GAB3: variants seen among roughly 807,000 people sequenced by gnomAD.
GAB3 encodes GRB2 associated binding protein 3, also known as GRB2-associated-binding protein 3.
A neutral mutation model predicts 40.4 loss-of-function variants in GAB3; 12 were observed. That is an observed-to-expected ratio of 0.30 (90% confidence interval 0.19 to 0.48). The LOEUF (loss-of-function observed/expected upper bound fraction) is 0.48, where lower values mean the gene tolerates loss of function less well. Ranked by LOEUF, GAB3 falls within the 20% of genes least tolerant of loss-of-function variation. The pLI is 0.99. For synonymous variants in GAB3, 154 were observed against 176.7 expected, an observed-to-expected ratio of 0.87 and a Z score of 1.02; for missense variants, 381 against 461.9, an observed-to-expected ratio of 0.82 and a Z score of 1.61.
chrX:154,717,233 C>G (rs1265543502), intron 1 of GAB3, among the ~76,000 whole-genome samples: 2 of 111,190 alleles, frequency 1.8e-5, no homozygotes, highest in African/African-American at 6.6e-5. Flanking sequence ...GGGGAAAGCT[C>G]TGGGGTCAAG....
Position 154,712,476 on chromosome X carries a change from T to C in GAB3, c.822A>G (p.Ser274=), listed in dbSNP as rs1314609420. Residue 274 remains serine (S), a synonymous_variant, in exon 4 of 10, where the codon TCA becomes TCG. Transcript: ENST00000424127. Reference sequence around the variant, plus strand: ...AACTTAAGGAACTTTCCAGCAATGGTGAAGAAGACAAGTGGTCCCTGGGTG... The same window carrying C: ...AACTTAAGGAACTTTCCAGCAATGGCGAAGAAGACAAGTGGTCCCTGGGTG... ...NGPPRDHLSS[S]PLLESSLSST... is the part of the protein sequence containing the mutation. The C allele has an allele frequency of 6.6e-6, 8 of 1,208,805 alleles. No individual in the cohort carries two copies. The highest frequency in any genetic ancestry group is 7.8e-6 in the Non-Finnish European group (7 of 894,501).
Position 154,678,125 on chromosome X carries a change from T to A in GAB3, c.*53A>T, listed in dbSNP as rs879997682. 1.3e-4 allele frequency: 76 copies of A among 576,272 alleles called. No homozygotes were observed. Among genetic ancestry groups the A allele is most frequent in the Non-Finnish European group, 2.0e-4 (70 of 352,482 alleles). 47.5% of individuals were successfully genotyped at this position (576,272 alleles called of 1,213,427 possible). On this transcript the variant is annotated 3_prime_UTR_variant, in exon 10 of 10. Transcript: ENST00000424127. ...CAAAAAAAAAAAAAAAAGAAAAAAC[T>A]CAAACTGAGCCCCAAGCTTCCCTGT...
At chrX:154,720,944 G>A (rs2071123869) in intron 1 of GAB3, among the ~76,000 whole-genome samples, 1 of 111,710 alleles carries the variant, frequency 9.0e-6, no homozygotes, top group Admixed American at 9.5e-5. Flanking sequence ...TTGTGCCTCT[G>A]ATAGCCTGAT....
At chrX:154,707,386 T>G (rs1330639301) in intron 4 of GAB3, among the ~76,000 whole-genome samples, 1 of 112,288 alleles carries the variant, frequency 8.9e-6, no homozygotes, top group Admixed American at 9.4e-5. Context: ...TTAGGTAATG[T>G]TTGTTAATTA....
At chrX:154,713,504 A>T (rs2070989591) in intron 2 of GAB3, 78 bp from the exon 3 acceptor site, 1 of 781,826 alleles carries the variant, frequency 1.3e-6, no homozygotes, top group African/African-American at 2.1e-5. Context: ...AGCATCAAAG[A>T]AGCCAAACAG....
At chrX:154,722,981 C>T (rs1390186637) in intron 1 of GAB3, among the ~76,000 whole-genome samples, 9 of 111,280 alleles carry the variant, frequency 8.1e-5, no homozygotes, top group African/African-American at 6.6e-5. Flanking sequence ...CAGTTTCAAG[C>T]GATTCTCCTG....
intron 1 of GAB3, among the ~76,000 whole-genome samples, chrX:154,727,110 A>G (rs2071223615): frequency 8.9e-6 from 1 of 112,062 alleles, no homozygotes; most frequent in African/African-American, 3.2e-5. Flanking sequence ...ACAAAACCCA[A>G]ACTCTTTCAC....
intron 8 of GAB3, among the ~76,000 whole-genome samples, chrX:154,686,534 T>A (rs1557247808): frequency 9.1e-6 from 1 of 110,400 alleles, no homozygotes; most frequent in African/African-American, 3.3e-5. Flanking sequence ...GCTCAAGGGA[T>A]CTTCCTGTCT....
chrX:154,746,267 C>A (rs1371055531), intron 1 of GAB3, among the ~76,000 whole-genome samples: 2 of 111,088 alleles, frequency 1.8e-5, no homozygotes, highest in Non-Finnish European at 3.8e-5. Flanking sequence ...ATATCAAAAC[C>A]AAAGATAGCA....
At chrX:154,730,798 C>T (rs1441941309) in intron 1 of GAB3, among the ~76,000 whole-genome samples, 6 of 111,902 alleles carry the variant, frequency 5.4e-5, no homozygotes, top group Non-Finnish European at 9.4e-5. Context: ...TTGCCGGTGA[C>T]CTTTCAGCCT....
At chrX:154,750,554 T>C (rs782202981) in intron 1 of GAB3, among the ~76,000 whole-genome samples, 150 of 112,338 alleles carry the variant, frequency 1.3e-3, no homozygotes, top group African/African-American at 4.6e-3. Flanking sequence ...TCAGTCTCCC[T>C]ATCCCCTGCC....
chrX:154,720,049 G>A (rs1268198956), intron 1 of GAB3, among the ~76,000 whole-genome samples: 4 of 110,231 alleles, frequency 3.6e-5, no homozygotes, highest in Non-Finnish European at 7.6e-5. Flanking sequence ...TCAATCCTCC[G>A]AGACATCTGA....
In GAB3 at chrX:154,680,238, C is replaced by A; in HGVS notation, c.1541G>T (p.Arg514Leu). ...EESYIEMEEH[R>L]TASSLSSGAL... ...ACCACTGCTCAGGGAACTGGCTGTT[C>A]GGTGCTCCTCCTAGGAACCAACATC... The change falls in exon 9 of 10, where the codon CGA becomes CTA. Residue 514 changes from arginine to leucine, a missense_variant. Arg to Leu is a moderately radical substitution (Grantham distance 102). Around this residue, in one of 2 missense-constraint regions of GAB3, gnomAD observed 364 missense variants for 421.0 expected, o/e 0.86. Transcript: ENST00000424127. The A allele has an allele frequency of 8.4e-7, 1 of 1,195,478 alleles. No homozygotes were observed. Among genetic ancestry groups the A allele is most frequent in the Non-Finnish European group, 1.1e-6 (1 of 882,821 alleles).
chrX:154,715,163 G>GGAAACCAT lies in GAB3; in HGVS notation c.376+855_376+862dup, dbSNP rs2071025694. Among the ~76,000 whole-genome samples the GGAAACCAT allele has an allele frequency of 2.7e-5, 3 of 111,829 alleles. No homozygotes were observed. In the South Asian group the frequency reaches 1.1e-3, roughly 41 times the overall value. Reference sequence around the variant, plus strand: ...TGTGGATATTTCAGTGGCAGATGGTGGAAACCATGCAGTAACTCTTAAAAT... The same window carrying GGAAACCAT: ...TGTGGATATTTCAGTGGCAGATGGTGGAAACCATGAAACCATGCAGTAACTCTTAAAAT... On this transcript the variant is annotated intron_variant, in intron 2 of 9. Transcript: ENST00000424127.
intron 8 of GAB3, among the ~76,000 whole-genome samples, chrX:154,690,982 A>G (rs2070552736): frequency 9.1e-6 from 1 of 110,207 alleles, no homozygotes; most frequent in African/African-American, 3.3e-5. Context: ...TGTTTATTGC[A>G]GCATTATTCA....
intron 4 of GAB3, among the ~76,000 whole-genome samples, chrX:154,709,327 T>G (rs2070878161): frequency 9.2e-6 from 1 of 108,336 alleles, no homozygotes; most frequent in African/African-American, 3.4e-5. Context: ...CGGCAGTTTT[T>G]TTTTTTTTTT....
chrX:154,698,926 A>G lies in GAB3; in HGVS notation c.1345+368T>C, dbSNP rs2070700528. Among the ~76,000 whole-genome samples, 3 of 111,976 alleles carry G rather than the reference A, an allele frequency of 2.7e-5. No homozygotes were observed. The Admixed American group carries it at 2.8e-4, about 11-fold the overall frequency. On this transcript the variant is annotated intron_variant, in intron 6 of 9. Coordinates refer to ENST00000424127, the MANE Select transcript of GAB3 (RefSeq NM_001081573.3). The stretch of plus-strand genomic sequence containing the variant: ...CTGCCTTACAGAGGCTGGCACTATG[A>G]TTACATTCAAGTGCTGTCTAATGAG...
At chrX:154,749,817 A>G (rs1326196305) in intron 1 of GAB3, among the ~76,000 whole-genome samples, 1 of 112,720 alleles carries the variant, frequency 8.9e-6, no homozygotes, top group Non-Finnish European at 1.9e-5. Context: ...CTCCTGCCAC[A>G]CATTCTGGAA....
intron 1 of GAB3, among the ~76,000 whole-genome samples, chrX:154,727,439 T>C (rs1348647276): frequency 8.9e-6 from 1 of 112,957 alleles, no homozygotes; most frequent in Non-Finnish European, 1.9e-5. Flanking sequence ...CACTAGAATG[T>C]GAGCTCCCGG....
Sources: allele counts gnomAD v4.1 joint callset (sites outside exome capture counted in the v4.1 genomes callset), GRCh38; gene constraint gnomAD v4.1.1; regional missense constraint gnomAD v4.1.1; transcripts MANE v1.5; gene names NCBI Gene and HGNC (gene_info 2026-07-23, HGNC 2026-07-21).